Variants in SLC38A1 observed in about 807,000 individuals in gnomAD.
SLC38A1 encodes the protein sodium-coupled neutral amino acid symporter 1.
SLC38A1 carries 18 observed loss-of-function variants against 60.3 expected under a neutral mutation model. The observed-to-expected ratio is 0.30, with a 90% CI of 0.21 to 0.44. The LOEUF (loss-of-function observed/expected upper bound fraction) is 0.44, where lower values mean the gene tolerates loss of function less well. SLC38A1 is among the 20% of genes least tolerant of loss of function. SLC38A1 has a pLI of 1.00. For missense variants in SLC38A1, 448 were observed against 587.2 expected, an observed-to-expected ratio of 0.76 and a Z score of 2.45; for synonymous variants, 196 against 212.1, an observed-to-expected ratio of 0.92 and a Z score of 0.66.
At chr12:46,224,197 G>C (rs532907867) in intron 5 of SLC38A1, among the ~76,000 whole-genome samples, 1 of 152,260 alleles carries the variant, frequency 6.6e-6, no homozygotes, top group Admixed American at 6.5e-5. Context: ...TTTACCCTGA[G>C]GTACTTGTGC....
At chr12:46,256,165 CAA>C (rs61078872) in intron 1 of SLC38A1, among the ~76,000 whole-genome samples, 2,306 of 69,288 alleles carry the variant, frequency 0.033, 62 homozygotes, top group African/African-American at 0.093. Flanking sequence ...GGTTCTATCT[CAA>C]AAAAAAAAAA....
At chr12:46,226,575 A>G (rs935396434) in intron 5 of SLC38A1, among the ~76,000 whole-genome samples, 1 of 151,786 alleles carries the variant, frequency 6.6e-6, no homozygotes, top group Non-Finnish European at 1.5e-5. Flanking sequence ...TCATCAACAC[A>G]ATAATGTAAA....
chr12:46,191,486 T>C (rs1337828746), intron 16 of SLC38A1, among the ~76,000 whole-genome samples: 1 of 152,208 alleles, frequency 6.6e-6, no homozygotes, highest in Non-Finnish European at 1.5e-5. Context: ...AGTGGTAGAT[T>C]GATGGGGATA....
intron 1 of SLC38A1, among the ~76,000 whole-genome samples, chr12:46,259,413 A>T (rs573246164): frequency 1.3e-5 from 2 of 152,244 alleles, no homozygotes; most frequent in Admixed American, 1.3e-4. Flanking sequence ...CATTAACTTG[A>T]TGTGATAATC....
chr12:46,256,661 A>AGAGAGAGAGAGAGAG (rs1942041296), intron 1 of SLC38A1, among the ~76,000 whole-genome samples: 1 of 149,112 alleles, frequency 6.7e-6, no homozygotes, highest in Non-Finnish European at 1.5e-5. Context: ...AGAGAGAGAG[A>AGAGAGAGAGAGAGAG]CCAGAAGTCT....
intron 16 of SLC38A1, among the ~76,000 whole-genome samples, chr12:46,195,087 TC>T (rs1365673033): frequency 6.6e-6 from 1 of 152,214 alleles, no homozygotes; most frequent in African/African-American, 2.4e-5. Flanking sequence ...CTACCTTTGG[TC>T]TTTGATGTTG....
chr12:46,230,678 T>C (rs1168650603), intron 3 of SLC38A1, among the ~76,000 whole-genome samples: 2 of 152,180 alleles, frequency 1.3e-5, no homozygotes, highest in Non-Finnish European at 2.9e-5. Context: ...AGTAAGAATT[T>C]AAAATGCTTT....
At chr12:46,248,796 A>C (rs1941719246) in intron 1 of SLC38A1, among the ~76,000 whole-genome samples, 1 of 152,192 alleles carries the variant, frequency 6.6e-6, no homozygotes, top group Non-Finnish European at 1.5e-5. Flanking sequence ...GCAAATGTAA[A>C]AGAACGGAAA....
chr12:46,268,884 G>A lies in SLC38A1; in HGVS notation c.-567C>T, dbSNP rs567604175. The A allele has an allele frequency of 1.8e-4, 82 of 456,130 alleles. No individual in the cohort carries two copies. Among genetic ancestry groups the A allele is most frequent in the Non-Finnish European group, 3.4e-4 (76 of 226,576 alleles). The allele number at this position is 456,130 out of a possible 1,614,324, so 28.3% of individuals were successfully genotyped here. A position where few individuals can be genotyped will look rare whatever the true frequency, so the allele number is the denominator to read the frequency against. On this transcript the variant is annotated 5_prime_UTR_variant, in exon 1 of 17. An upstream open reading frame in the 5' UTR gains an earlier in-frame stop. Transcript: ENST00000398637. This position sits in a 1 kb window ranked among gnomAD's most constrained non-coding sequence, Gnocchi z 4.4. ...ACTTACATCGACATGCACCGGCGCT[G>A]AGGGTCACGAATCGGAGTCATTCTC...
intron 11 of SLC38A1, 88 bp from the exon 12 acceptor site, chr12:46,203,177 C>A: frequency 2.9e-6 from 3 of 1,042,348 alleles, no homozygotes; most frequent in Non-Finnish European, 4.4e-6. Flanking sequence ...GTCTTTTTAT[C>A]TGACAGCTCT....
chr12:46,199,726 G>T (rs564948577), intron 13 of SLC38A1, among the ~76,000 whole-genome samples: 5 of 152,128 alleles, frequency 3.3e-5, no homozygotes, highest in Admixed American at 2.6e-4. Flanking sequence ...GACTAACAAA[G>T]CTAGAATGGC....
chr12:46,240,145 A>G (rs980569850), intron 2 of SLC38A1, among the ~76,000 whole-genome samples: 1 of 152,150 alleles, frequency 6.6e-6, no homozygotes, highest in African/African-American at 2.4e-5. Flanking sequence ...GGTTTATAAG[A>G]ATATCATGTT....
At chr12:46,211,259 G>T (rs1374940113) in intron 5 of SLC38A1, among the ~76,000 whole-genome samples, 1 of 152,150 alleles carries the variant, frequency 6.6e-6, no homozygotes, top group Admixed American at 6.5e-5. Context: ...GACATCTTAG[G>T]ATGAGCCAGA....
chr12:46,192,744 T>C lies in SLC38A1; in HGVS notation c.1363-3673A>G, dbSNP rs187774394. ...TAGAGGTGTTTATAGTATTCTCTGA[T>C]GGTAGTTTGTATTTCTGTGGGATCG... is the stretch of plus-strand genomic sequence containing the variant. On this transcript the variant is annotated intron_variant, in intron 16 of 16. Coordinates refer to ENST00000398637, the MANE Select transcript of SLC38A1 (RefSeq NM_030674.4). Among the ~76,000 whole-genome samples the C allele has an allele frequency of 2.1e-4, 32 of 152,316 alleles. 1 individual carries two copies. Among genetic ancestry groups the C allele is most frequent in the African/African-American group, 7.0e-4 (29 of 41,586 alleles).
intron 5 of SLC38A1, among the ~76,000 whole-genome samples, chr12:46,225,417 GCA>G (rs1211694679): frequency 3.9e-5 from 6 of 152,120 alleles, no homozygotes; most frequent in Non-Finnish European, 4.4e-5. Flanking sequence ...GAGAGACTAG[GCA>G]CAATTTGTGG....
chr12:46,262,090 T>C (rs546475858), intron 1 of SLC38A1, among the ~76,000 whole-genome samples: 3 of 152,292 alleles, frequency 2.0e-5, no homozygotes, highest in Non-Finnish European at 2.9e-5. Context: ...TTGTGGGGCA[T>C]GGAGATGAAC....
rs113315443 is a variant in SLC38A1 at position 46,199,524 on chromosome 12, A to AT, written c.1004-782dup. Among the ~76,000 whole-genome samples the AT allele has an allele frequency of 7.1e-3, 979 of 137,750 alleles. 5 individuals are homozygous for AT. The highest frequency in any genetic ancestry group is 0.019 in the African/African-American group (704 of 37,798). The allele number at this position is 137,750 out of a possible 152,430, so 90.4% of individuals were successfully genotyped here. A position where few individuals can be genotyped will look rare whatever the true frequency, so the allele number is the denominator to read the frequency against. ...GCCACCATGCTTGGCTAATTTTTGT[A>AT]TTTTTTTTTTTTTTGTAGAGATGGG... is the stretch of plus-strand genomic sequence containing the variant. On this transcript the variant is annotated intron_variant, in intron 13 of 16. Transcript: ENST00000398637.
chr12:46,193,113 G>T (rs1241326859), intron 16 of SLC38A1, among the ~76,000 whole-genome samples: 1 of 152,212 alleles, frequency 6.6e-6, no homozygotes, highest in African/African-American at 2.4e-5. Flanking sequence ...ATGTGTCCCA[G>T]AGATTCTGGT....
In SLC38A1 at chr12:46,229,116, G is replaced by C. The variant is rs781105091; in HGVS notation, c.314+37C>G. 20 of 1,250,312 alleles carry C rather than the reference G, an allele frequency of 1.6e-5. No individual in the cohort carries two copies. The African/African-American group carries it at 2.7e-4, about 17-fold the overall frequency. The allele number at this position is 1,250,312 out of a possible 1,614,324, so 77.5% of individuals were successfully genotyped here. On this transcript the variant is annotated intron_variant, in intron 5 of 16. Transcript: ENST00000398637. ...ATAACAGAAACATACAAAAAGTTCA[G>C]TTTTAAAATGGAAAGTACCGGCACG...
Sources: gnomAD v4.1 joint callset for allele counts (sites outside exome capture counted in the v4.1 genomes callset) on GRCh38, gnomAD v4.1.1 for gene constraint, Gnocchi (gnomAD v3.1) non-coding constraint, MANE v1.5 for transcripts, NCBI Gene and HGNC (gene_info 2026-07-23, HGNC 2026-07-21) for gene names.